The following CNTLN variants were observed in gnomAD, a reference collection of about 807,000 sequenced individuals.
CNTLN encodes centlein, centrosomal protein.
CNTLN carries 212 observed loss-of-function variants against 180.0 expected under a neutral mutation model. The ratio of observed to expected loss-of-function variants is 1.18; its 90% CI spans 1.05 to 1.32. CNTLN has a LOEUF of 1.32. Ranked by LOEUF, CNTLN falls within the 40% of genes most tolerant of loss-of-function variation. CNTLN has a pLI of 0.00. For synonymous variants in CNTLN, 722 were observed against 563.1 expected, an observed-to-expected ratio of 1.28 and a Z score of -3.99; for missense variants, 2,095 against 1,610.9, an observed-to-expected ratio of 1.30 and a Z score of -5.14.
At chr9:17,328,285 A>C (rs202166467) in intron 8 of CNTLN, among the ~76,000 whole-genome samples, 1 of 152,196 alleles carries the variant, frequency 6.6e-6, no homozygotes, top group Non-Finnish European at 1.5e-5. Context: ...AGCAGATTAT[A>C]CTTCTACCCA....
At chr9:17,459,564 G>C (rs1442709687) in intron 19 of CNTLN, among the ~76,000 whole-genome samples, 1 of 151,750 alleles carries the variant, frequency 6.6e-6, no homozygotes, top group African/African-American at 2.4e-5. Flanking sequence ...TTGTTTTGAT[G>C]CTGGTTTGTA....
chr9:17,365,511 G>C (rs1283771620), intron 12 of CNTLN, among the ~76,000 whole-genome samples: 1 of 152,114 alleles, frequency 6.6e-6, no homozygotes, highest in African/African-American at 2.4e-5. Context: ...GCAGTATTTG[G>C]TTCTGGTCAA....
At position 17,262,879 on chromosome 9, in the gene CNTLN, T is replaced by A. The variant is rs149988644; in HGVS notation, c.850-10854T>A. Among the ~76,000 whole-genome samples the A allele has an allele frequency of 1.5e-3, 222 of 151,468 alleles. 9 individuals are homozygous for A. The highest frequency in any genetic ancestry group is 5.1e-3 in the African/African-American group (208 of 40,884). ...ATGGCTCGTAGTATTTTGGGGTGTG[T>A]TCCGTCAATACCTAGTTTGTCGAGA... On this transcript the variant is annotated intron_variant, in intron 5 of 25. Coordinates refer to ENST00000380647, the MANE Select transcript of CNTLN (RefSeq NM_017738.4).
At chr9:17,498,236 A>G (rs1173099387) in intron 25 of CNTLN, among the ~76,000 whole-genome samples, 3 of 152,098 alleles carry the variant, frequency 2.0e-5, no homozygotes, top group Admixed American at 1.3e-4. Flanking sequence ...TGCTGATGTA[A>G]TAAGTTATTT....
At chr9:17,202,097 T>G (rs1016381868) in intron 2 of CNTLN, among the ~76,000 whole-genome samples, 1 of 152,234 alleles carries the variant, frequency 6.6e-6, no homozygotes, top group Non-Finnish European at 1.5e-5. Context: ...ATTTACCCAG[T>G]AGTCATTCAG....
At chr9:17,340,530 A>C (rs1821394972) in intron 10 of CNTLN, among the ~76,000 whole-genome samples, 1 of 152,222 alleles carries the variant, frequency 6.6e-6, no homozygotes, top group Non-Finnish European at 1.5e-5. Context: ...CATGTAAGAT[A>C]GGTTTATGAA....
At chr9:17,426,332 T>C (rs1353945390) in intron 18 of CNTLN, among the ~76,000 whole-genome samples, 8 of 152,274 alleles carry the variant, frequency 5.3e-5, no homozygotes, top group South Asian at 2.1e-4. Flanking sequence ...TACCTCCACA[T>C]TGGTTTTAAA....
intron 3 of CNTLN, 68 bp from the exon 4 acceptor site, chr9:17,235,590 C>G: frequency 1.6e-6 from 2 of 1,288,076 alleles, no homozygotes; most frequent in Non-Finnish European, 2.2e-6. Context: ...AAATGTAAAA[C>G]CTTTAAAATA....
At chr9:17,155,981 G>C (rs186717165) in intron 2 of CNTLN, among the ~76,000 whole-genome samples, 270 of 152,242 alleles carry the variant, frequency 1.8e-3, no homozygotes, top group Non-Finnish European at 3.2e-3. Flanking sequence ...CTTAGGTAGG[G>C]GAGAAAATTC....
At chr9:17,436,414 A>T (rs1199711867) in intron 18 of CNTLN, among the ~76,000 whole-genome samples, 1 of 152,224 alleles carries the variant, frequency 6.6e-6, no homozygotes, top group Non-Finnish European at 1.5e-5. Flanking sequence ...TTAACCAAAT[A>T]ATCTTAAATT....
chr9:17,434,828 C>A (rs1564103546), intron 18 of CNTLN, among the ~76,000 whole-genome samples: 5 of 150,464 alleles, frequency 3.3e-5, no homozygotes. Flanking sequence ...GACAACAGTT[C>A]TTTAAGAAAA....
chr9:17,225,072 G>C (rs1173435480), intron 2 of CNTLN, among the ~76,000 whole-genome samples: 2 of 151,788 alleles, frequency 1.3e-5, no homozygotes, highest in African/African-American at 4.8e-5. Flanking sequence ...AGGTTTTATA[G>C]AGGTTTTGCT....
chr9:17,359,235 TCTCAAACTC>T (rs1171100812), intron 12 of CNTLN, among the ~76,000 whole-genome samples: 4 of 151,984 alleles, frequency 2.6e-5, no homozygotes, highest in African/African-American at 9.7e-5. Context: ...CCCAGGCTGG[TCTCAAACTC>T]CTGAGCTCAA....
At chr9:17,456,901 C>G (rs1831156657) in intron 18 of CNTLN, among the ~76,000 whole-genome samples, 1 of 152,074 alleles carries the variant, frequency 6.6e-6, no homozygotes, top group Non-Finnish European at 1.5e-5. Flanking sequence ...AATGTTTATG[C>G]TATTAAAAAT....
chr9:17,483,459 GC>G (rs1377427429), intron 23 of CNTLN, among the ~76,000 whole-genome samples: 1 of 152,184 alleles, frequency 6.6e-6, no homozygotes, highest in African/African-American at 2.4e-5. Context: ...TTCAATTCTA[GC>G]CATATATCCT....
chr9:17,501,591 G>A (rs1833758349), intron 25 of CNTLN, among the ~76,000 whole-genome samples: 1 of 152,180 alleles, frequency 6.6e-6, no homozygotes, highest in Non-Finnish European at 1.5e-5. Flanking sequence ...GCTGTCAGTC[G>A]TCCATCCTAG....
the CNTLN span, among the ~76,000 whole-genome samples, chr9:17,517,428 A>G: frequency 1.3e-5 from 2 of 151,898 alleles, no homozygotes; most frequent in Non-Finnish European, 2.9e-5. Context: ...AATAAATAAA[A>G]ATAAAAATAA....
intron 12 of CNTLN, among the ~76,000 whole-genome samples, chr9:17,364,264 C>G (rs1823625694): frequency 6.6e-6 from 1 of 152,092 alleles, no homozygotes; most frequent in Non-Finnish European, 1.5e-5. Flanking sequence ...TAAATGCTTT[C>G]TATACTTCTT....
intron 23 of CNTLN, among the ~76,000 whole-genome samples, chr9:17,472,168 C>T (rs1347390075): frequency 6.6e-6 from 1 of 152,046 alleles, no homozygotes; most frequent in Non-Finnish European, 1.5e-5. Context: ...ATGTAGGCCA[C>T]CTAGTATTGC....
Sources: gnomAD v4.1 joint callset for allele counts (sites outside exome capture counted in the v4.1 genomes callset) on GRCh38, gnomAD v4.1.1 for gene constraint, MANE v1.5 for transcripts, NCBI Gene and HGNC (gene_info 2026-07-23, HGNC 2026-07-21) for gene names.